UBE2G1: variants seen among roughly 807,000 people sequenced by gnomAD.
UBE2G1 encodes the protein ubiquitin-conjugating enzyme E2 G1.
UBE2G1 carries 5 observed loss-of-function variants against 22.7 expected under a neutral mutation model. The ratio of observed to expected loss-of-function variants is 0.22; its 90% CI spans 0.12 to 0.46. The LOEUF is 0.46. UBE2G1 is among the 20% of genes least tolerant of loss of function. UBE2G1 has a pLI of 0.99. For synonymous variants in UBE2G1, 74 were observed against 67.5 expected (o/e 1.10, Z -0.47); for missense variants, 88 against 203.9 (o/e 0.43, Z 3.46).
chr17:4,322,816 C>A (rs2143763030), intron 1 of UBE2G1, among the ~76,000 whole-genome samples: 1 of 152,252 alleles, frequency 6.6e-6, no homozygotes, highest in African/African-American at 2.4e-5. Context: ...TGATGTCTAA[C>A]AGTTACGGTA....
intron 1 of UBE2G1, among the ~76,000 whole-genome samples, chr17:4,313,562 A>G (rs1001714833): frequency 1.3e-5 from 2 of 152,154 alleles, no homozygotes; most frequent in Non-Finnish European, 2.9e-5. Flanking sequence ...CTAAAACACA[A>G]AAGTTTATAG....
At chr17:4,292,269 T>G (rs2143702387) in intron 3 of UBE2G1, among the ~76,000 whole-genome samples, 1 of 141,566 alleles carries the variant, frequency 7.1e-6, no homozygotes, top group African/African-American at 2.7e-5. Flanking sequence ...GAGGTTGCAG[T>G]GAGCCACTGC....
At chr17:4,358,678 C>T (rs1213819072) in intron 1 of UBE2G1, among the ~76,000 whole-genome samples, 3 of 152,086 alleles carry the variant, frequency 2.0e-5, no homozygotes, top group Non-Finnish European at 4.4e-5. Context: ...CTTGGCTGGG[C>T]GCGTGGCTCA....
intron 1 of UBE2G1, among the ~76,000 whole-genome samples, chr17:4,343,330 G>C (rs548688057): frequency 3.9e-5 from 6 of 152,056 alleles, no homozygotes; most frequent in Non-Finnish European, 8.8e-5. Context: ...GGTAGCTCAC[G>C]CCTGTAATCC....
chr17:4,317,968 TG>T (rs1340068422), intron 1 of UBE2G1, among the ~76,000 whole-genome samples: 3 of 152,242 alleles, frequency 2.0e-5, no homozygotes, highest in African/African-American at 7.2e-5. Context: ...TTGATAAAGA[TG>T]ATTCCTGAGG....
intron 1 of UBE2G1, among the ~76,000 whole-genome samples, chr17:4,321,110 AT>A (rs1379676019): frequency 6.6e-6 from 1 of 152,178 alleles, no homozygotes; most frequent in Non-Finnish European, 1.5e-5. Flanking sequence ...TGATCGCACC[AT>A]GGCACTCCAG....
chr17:4,339,398 G>A (rs762769409), intron 1 of UBE2G1, among the ~76,000 whole-genome samples: 9 of 151,606 alleles, frequency 5.9e-5, no homozygotes, highest in Middle Eastern at 3.2e-3. Context: ...TTCGACTCCC[G>A]GCTTCAAGCA....
intron 1 of UBE2G1, among the ~76,000 whole-genome samples, chr17:4,312,692 T>C (rs1195736815): frequency 1.8e-5 from 1 of 54,256 alleles, no homozygotes; most frequent in Non-Finnish European, 3.8e-5. Flanking sequence ...CAAGACTCCA[T>C]CTCAAAAAAA....
chr17:4,325,103 A>G (rs1969489416), intron 1 of UBE2G1, among the ~76,000 whole-genome samples: 1 of 151,842 alleles, frequency 6.6e-6, no homozygotes, highest in Admixed American at 6.6e-5. Context: ...CAAACAAAAA[A>G]AACAAAAAAC....
chr17:4,332,199 T>C (rs1001738900), intron 1 of UBE2G1, among the ~76,000 whole-genome samples: 10 of 152,200 alleles, frequency 6.6e-5, no homozygotes, highest in African/African-American at 2.4e-4. Flanking sequence ...TTTGCTTTCA[T>C]ACACAAACCT....
At chr17:4,284,416 T>C (rs1030968427) in intron 4 of UBE2G1, among the ~76,000 whole-genome samples, 7 of 151,936 alleles carry the variant, frequency 4.6e-5, no homozygotes, top group African/African-American at 1.7e-4. Flanking sequence ...CTGGCCAACA[T>C]GGTGAAACCC....
At chr17:4,309,520 G>A (rs1344919010) in intron 1 of UBE2G1, among the ~76,000 whole-genome samples, 7 of 152,176 alleles carry the variant, frequency 4.6e-5, no homozygotes, top group Non-Finnish European at 7.3e-5. Context: ...GTTTATGCAC[G>A]CATATGTGTA....
chr17:4,306,314 G>A (rs928598797), intron 2 of UBE2G1, among the ~76,000 whole-genome samples: 7 of 151,644 alleles, frequency 4.6e-5, no homozygotes, highest in South Asian at 2.1e-4. Flanking sequence ...TCAGCCTCCC[G>A]GGTAGCTGGG....
chr17:4,277,160 A>G (rs1225978926), intron 5 of UBE2G1, among the ~76,000 whole-genome samples: 1 of 152,312 alleles, frequency 6.6e-6, no homozygotes, highest in South Asian at 2.1e-4. Context: ...GGTCTTCAGT[A>G]GACAGAACTG....
intron 1 of UBE2G1, among the ~76,000 whole-genome samples, chr17:4,362,876 A>C (rs1969985170): frequency 6.6e-6 from 1 of 152,092 alleles, no homozygotes; most frequent in Non-Finnish European, 1.5e-5. Context: ...TAATTCCAGC[A>C]CTTTGGGAGG....
At chr17:4,296,410 G>A (rs1336553341) in intron 3 of UBE2G1, among the ~76,000 whole-genome samples, 1 of 152,014 alleles carries the variant, frequency 6.6e-6, no homozygotes, top group African/African-American at 2.4e-5. Context: ...TTACAGGTGT[G>A]TGCCACCATG....
At chr17:4,321,273 G>A (rs562074714) in intron 1 of UBE2G1, among the ~76,000 whole-genome samples, 3 of 152,250 alleles carry the variant, frequency 2.0e-5, no homozygotes, top group Non-Finnish European at 4.4e-5. Flanking sequence ...GCCACAAAAT[G>A]TTTACTTCAA....
At chr17:4,344,768 G>T (rs1354707398) in intron 1 of UBE2G1, among the ~76,000 whole-genome samples, 1 of 152,156 alleles carries the variant, frequency 6.6e-6, no homozygotes, top group Non-Finnish European at 1.5e-5. Context: ...GGCTGAGACA[G>T]GAGGATCACT....
Position 4,271,043 on chromosome 17 carries a change from CT to C in UBE2G1, c.*1510del. 6.6e-6 allele frequency: 1 copy of C among 152,356 alleles called. No homozygotes were observed. Among genetic ancestry groups the C allele is most frequent in the South Asian group, 2.1e-4 (1 of 4,828 alleles). 9.4% of individuals were successfully genotyped at this position (152,356 alleles called of 1,614,324 possible). A position where few individuals can be genotyped will look rare whatever the true frequency, so the allele number is the denominator to read the frequency against. Reference sequence around the variant, plus strand: ...TCTATCCCTTATAAGCCAAAGACTACTTCCCACACACAACCTCACAACAAAC... The same window carrying C: ...TCTATCCCTTATAAGCCAAAGACTACTCCCACACACAACCTCACAACAAAC... On this transcript the variant is annotated 3_prime_UTR_variant, in exon 6 of 6. Coordinates refer to ENST00000396981, the MANE Select transcript of UBE2G1 (RefSeq NM_003342.5).
Sources: allele counts gnomAD v4.1 joint callset (sites outside exome capture counted in the v4.1 genomes callset), GRCh38; gene constraint gnomAD v4.1.1; transcripts MANE v1.5; gene names NCBI Gene and HGNC (gene_info 2026-07-23, HGNC 2026-07-21).